The following XKR9 variants were observed in gnomAD, a reference collection of about 807,000 sequenced individuals.
The protein encoded by XKR9 is XK related 9.
Under a neutral mutation model 32.0 loss-of-function variants are expected in XKR9, and 32 were observed. The observed-to-expected ratio is 1.00, with a 90% confidence interval of 0.76 to 1.34. XKR9 has a LOEUF of 1.34. Ranked by LOEUF, XKR9 falls within the 40% of genes most tolerant of loss-of-function variation. The probability of loss-of-function intolerance (pLI) is 0.00; values close to 1 mark genes in which losing one functional copy is unlikely to be tolerated. For missense variants in XKR9, 546 were observed against 429.7 expected, an observed-to-expected ratio of 1.27 and a Z score of -2.39; for synonymous variants, 168 against 143.4, an observed-to-expected ratio of 1.17 and a Z score of -1.22.
At chr8:71,013,824 C>G in the XKR9 span, among the ~76,000 whole-genome samples, 1 of 152,242 alleles carries the variant, frequency 6.6e-6, no homozygotes, top group Non-Finnish European at 1.5e-5. Flanking sequence ...AATGTGCTCT[C>G]CAAACCCAGT....
chr8:70,960,248 CCA>C, the XKR9 span, among the ~76,000 whole-genome samples: 6 of 132,138 alleles, frequency 4.5e-5, no homozygotes, highest in Non-Finnish European at 1.1e-4. Flanking sequence ...TCCGTCCCCC[CCA>C]AAAAAAAAAA....
At chr8:70,821,352 T>C in the XKR9 span, among the ~76,000 whole-genome samples, 2 of 152,222 alleles carry the variant, frequency 1.3e-5, no homozygotes, top group African/African-American at 4.8e-5. Context: ...CCTGGCTGCT[T>C]TCACAGGCTG....
chr8:70,677,893 T>A (rs560180535), intron 2 of XKR9: 1 of 152,196 alleles, frequency 6.6e-6, no homozygotes, highest in Non-Finnish European at 1.5e-5. Context: ...TATAAGCAAT[T>A]TTTTTCTTAG....
intron 4 of XKR9, among the ~76,000 whole-genome samples, chr8:70,710,914 G>A (rs1805897151): frequency 6.6e-6 from 1 of 151,950 alleles, no homozygotes; most frequent in African/African-American, 2.4e-5. Flanking sequence ...GAATCTATAA[G>A]GAACTTAAAC....
the XKR9 span, among the ~76,000 whole-genome samples, chr8:71,013,352 T>A: frequency 4.3e-4 from 65 of 152,230 alleles, no homozygotes; most frequent in Non-Finnish European, 8.4e-4. Flanking sequence ...CAGGTTCCCT[T>A]AACTTCCCAG....
rs148606993 is a variant in XKR9 at position 70,750,585 on chromosome 8, G to A, written n.353-38754G>A. 3.4e-3 allele frequency among the ~76,000 whole-genome samples: 516 copies of A among 152,208 alleles called. 3 individuals carry two copies. Among genetic ancestry groups the A allele is most frequent in the Middle Eastern group, 0.02 (6 of 294 alleles). ...CTTTTTTTTCATTCTCCAAGGATAT[G>A]AAGATTGCCACTGGAGTCTGCTCTT... On this transcript the variant is annotated intron_variant and non_coding_transcript_variant, in intron 2 of 3. Transcript: ENST00000520273.
rs1352029069 is a variant in XKR9, at chr8:70,669,363, C to G, written c.-536C>G. 2.0e-6 allele frequency: 1 copy of G among 489,246 alleles called. No individual in the cohort carries two copies. The allele number at this position is 489,246 out of a possible 1,614,324, so 30.3% of individuals were successfully genotyped here. A position where few individuals can be genotyped will look rare whatever the true frequency, so the allele number is the denominator to read the frequency against. On this transcript the variant is annotated 5_prime_UTR_variant, in exon 1 of 5. Coordinates refer to ENST00000408926, the MANE Select transcript of XKR9 (RefSeq NM_001011720.2). ...TAGAGGTCACGTGACGCCGCGCGGG[C>G]TGCGCGGGCAGTGGTGGGAAGGCTG...
chr8:70,833,279 A>G, the XKR9 span, among the ~76,000 whole-genome samples: 3 of 152,132 alleles, frequency 2.0e-5, no homozygotes, highest in Non-Finnish European at 4.4e-5. Flanking sequence ...TGCCCTCTAT[A>G]CTTTCCATGG....
the XKR9 span, among the ~76,000 whole-genome samples, chr8:71,024,442 GC>G: frequency 1.3e-5 from 2 of 152,112 alleles, no homozygotes; most frequent in Non-Finnish European, 2.9e-5. Context: ...TGTCATTGGG[GC>G]TTCAAGGATA....
the XKR9 span, among the ~76,000 whole-genome samples, chr8:70,798,211 A>G: frequency 2.0e-5 from 3 of 151,762 alleles, no homozygotes; most frequent in Non-Finnish European, 4.4e-5. Context: ...AACCTTGCCT[A>G]CATCTGTTAT....
At chr8:70,882,873 C>T in the XKR9 span, among the ~76,000 whole-genome samples, 12 of 151,288 alleles carry the variant, frequency 7.9e-5, no homozygotes, top group Middle Eastern at 3.4e-3. Flanking sequence ...TCTAGTATCA[C>T]GCAGAATAGT....
At chr8:70,888,969 T>G in the XKR9 span, among the ~76,000 whole-genome samples, 1 of 152,076 alleles carries the variant, frequency 6.6e-6, no homozygotes, top group South Asian at 2.1e-4. Context: ...TTTTAGAATT[T>G]TTTCAATTTC....
intron 2 of XKR9, among the ~76,000 whole-genome samples, chr8:70,779,462 G>A (rs1392619009): frequency 6.6e-6 from 1 of 152,132 alleles, no homozygotes; most frequent in African/African-American, 2.4e-5. Flanking sequence ...GATGATGCTG[G>A]CCTCATAAAA....
chr8:70,891,935 C>T, the XKR9 span, among the ~76,000 whole-genome samples: 1 of 151,996 alleles, frequency 6.6e-6, no homozygotes, highest in Non-Finnish European at 1.5e-5. Flanking sequence ...TACCTGAGTG[C>T]TGTGGTGTTG....
downstream of XKR9, among the ~76,000 whole-genome samples, chr8:70,736,220 G>T (rs572504178): frequency 6.6e-6 from 1 of 152,200 alleles, no homozygotes; most frequent in East Asian, 1.9e-4. Context: ...GCCAGTGATG[G>T]TGAGCATTTT....
the XKR9 span, among the ~76,000 whole-genome samples, chr8:70,965,739 TAGA>T: frequency 3.9e-5 from 6 of 152,338 alleles, no homozygotes; most frequent in East Asian, 1.2e-3. Context: ...TTTATGTGCA[TAGA>T]GGTGTTCATA....
chr8:70,957,102 CAATATTTACACTTGT>C, the XKR9 span, among the ~76,000 whole-genome samples: 1 of 152,236 alleles, frequency 6.6e-6, no homozygotes, highest in African/African-American at 2.4e-5. Flanking sequence ...GTTCCTTCGG[CAATATTTACACTTGT>C]AATATGAATT....
chr8:70,730,125 G>A (rs1271547242), intron 4 of XKR9, among the ~76,000 whole-genome samples: 2 of 152,114 alleles, frequency 1.3e-5, no homozygotes, highest in African/African-American at 2.4e-5. Context: ...AATGGAGATA[G>A]CATGAGGCCA....
At chr8:71,000,897 AG>A in the XKR9 span, among the ~76,000 whole-genome samples, 1 of 152,240 alleles carries the variant, frequency 6.6e-6, no homozygotes, top group African/African-American at 2.4e-5. Flanking sequence ...CAGAAATGAG[AG>A]GGCTACTTCT....
Sources: gnomAD v4.1 joint callset for allele counts (sites outside exome capture counted in the v4.1 genomes callset) on GRCh38, gnomAD v4.1.1 for gene constraint, MANE v1.5 for transcripts, NCBI Gene and HGNC (gene_info 2026-07-23, HGNC 2026-07-21) for gene names.